PATZ1: variants seen among roughly 807,000 people sequenced by gnomAD.
PATZ1 encodes POZ/BTB and AT hook containing zinc finger 1, also known as POZ-, AT hook-, and zinc finger-containing protein 1.
In PATZ1, 9 loss-of-function variants were observed where a neutral mutation model predicts 46.2. That is an observed-to-expected ratio of 0.19 (90% confidence interval 0.12 to 0.34). The LOEUF (loss-of-function observed/expected upper bound fraction) is 0.34. Ranked by LOEUF, PATZ1 falls within the 10% of genes least tolerant of loss-of-function variation. The probability of loss-of-function intolerance (pLI) is 1.00; values close to 1 mark genes in which losing one functional copy is unlikely to be tolerated. For synonymous variants in PATZ1, 426 were observed against 378.6 expected (o/e 1.13, Z -1.45); for missense variants, 632 against 923.0 (o/e 0.68, Z 4.08).
Position 31,346,156 on chromosome 22 carries a change from G to C in PATZ1, c.-554C>G, listed in dbSNP as rs1245059270. The C allele has an allele frequency of 6.8e-6, 1 of 147,790 alleles. No homozygotes were observed. Among genetic ancestry groups the C allele is most frequent in the Non-Finnish European group, 1.5e-5 (1 of 66,102 alleles). The allele number at this position is 147,790 out of a possible 1,614,324, so 9.2% of individuals were successfully genotyped here. ...GGCGAAGGCGAAGGCGGCGGCGGCG[G>C]GGCGCGCACGGGGGCGGTGGCGCGG... On this transcript the variant is annotated 5_prime_UTR_variant, in exon 1 of 5. Transcript: ENST00000266269.
At chr22:31,341,034 T>C (rs992927923) in intron 2 of PATZ1, 7 of 1,081,016 alleles carry the variant, frequency 6.5e-6, no homozygotes. Context: ...GGCCCCAGTC[T>C]AGAAACCCCA....
At chr22:31,342,153 A>C (rs1262289305) in intron 2 of PATZ1, among the ~76,000 whole-genome samples, 2 of 152,254 alleles carry the variant, frequency 1.3e-5, no homozygotes, top group Middle Eastern at 3.4e-3. Context: ...CGCTATCCAC[A>C]CAGGAAGGCT....
chr22:31,332,280 A>G (rs1168239022), intron 3 of PATZ1, among the ~76,000 whole-genome samples: 1 of 152,174 alleles, frequency 6.6e-6, no homozygotes, highest in East Asian at 1.9e-4. Context: ...TCAGCAGCCA[A>G]GTGTTAGGAT....
chr22:31,329,314 A>C (rs1466103339), intron 3 of PATZ1, among the ~76,000 whole-genome samples: 1 of 152,222 alleles, frequency 6.6e-6, no homozygotes, highest in East Asian at 1.9e-4. Flanking sequence ...TGGTTAGACA[A>C]GAATTTGAGG....
chr22:31,340,586 G>C, intron 2 of PATZ1: 1 of 655,848 alleles, frequency 1.5e-6, no homozygotes, highest in South Asian at 7.0e-5. Flanking sequence ...TGTATGTTGG[G>C]AGGGGCAGGG....
intron 2 of PATZ1, 126 bp downstream of exon 2, chr22:31,342,771 G>A (rs2049598699): frequency 2.2e-6 from 2 of 908,272 alleles, no homozygotes; most frequent in Admixed American, 2.0e-5. Flanking sequence ...GAGGAACAGA[G>A]GGGAGGTGTG....
Position 31,327,337 on chromosome 22 carries a change from G to A in PATZ1, c.1646-28C>T, listed in dbSNP as rs779465111. 92 of 1,589,964 alleles carry A rather than the reference G, an allele frequency of 5.8e-5. No homozygotes were observed. The highest frequency in any genetic ancestry group is 1.7e-4 in the Admixed American group (10 of 59,536). On this transcript the variant is annotated intron_variant, in intron 4 of 4. Transcript: ENST00000266269. The surrounding 1 kb of genome is among the most constrained non-coding windows in gnomAD (Gnocchi z 4.2). ...ACGAAAAAACAAAATATAGGAGAGC[G>A]ATGAGGCCAGGCTCTGGAGATGCCC...
At chr22:31,338,641 G>C (rs2049541522) in intron 2 of PATZ1, among the ~76,000 whole-genome samples, 1 of 152,176 alleles carries the variant, frequency 6.6e-6, no homozygotes, top group East Asian at 1.9e-4. Flanking sequence ...GATTTATTTG[G>C]GGACAAGAGC....
At chr22:31,336,928 TGAAACTC>T (rs1355311014) in intron 2 of PATZ1, among the ~76,000 whole-genome samples, 3 of 150,130 alleles carry the variant, frequency 2.0e-5, no homozygotes, top group Non-Finnish European at 4.4e-5. Flanking sequence ...GCTAACACGG[TGAAACTC>T]GGTCTCTACT....
chr22:31,341,739 A>C, intron 2 of PATZ1: 1 of 1,512,718 alleles, frequency 6.6e-7, no homozygotes, highest in Non-Finnish European at 9.0e-7. Context: ...GCTTGCCCCC[A>C]CTGCCCTCTG....
At chr22:31,343,034 G>C (rs1163430426) in intron 1 of PATZ1, 74 bp from the exon 2 acceptor site, 35 of 1,605,830 alleles carry the variant, frequency 2.2e-5, no homozygotes, top group Non-Finnish European at 3.0e-5. Flanking sequence ...ATGCATACGT[G>C]TGTACACACA....
chr22:31,331,274 C>G (rs2049438576), intron 3 of PATZ1, among the ~76,000 whole-genome samples: 1 of 152,048 alleles, frequency 6.6e-6, no homozygotes. Context: ...ACATTGGCTC[C>G]CACCAATCAG....
intron 3 of PATZ1, among the ~76,000 whole-genome samples, chr22:31,334,616 G>A (rs2049485602): frequency 6.6e-6 from 1 of 152,196 alleles, no homozygotes; most frequent in African/African-American, 2.4e-5. Context: ...TCTCCCAAGT[G>A]TGCGGCTCCT....
intron 3 of PATZ1, among the ~76,000 whole-genome samples, chr22:31,331,159 G>A (rs1018029426): frequency 2.0e-5 from 3 of 152,202 alleles, no homozygotes; most frequent in Non-Finnish European, 4.4e-5. Context: ...CTAAGAGGGA[G>A]GCTGTAGTCA....
At chr22:31,337,457 T>C (rs2049525511) in intron 2 of PATZ1, among the ~76,000 whole-genome samples, 1 of 152,172 alleles carries the variant, frequency 6.6e-6, no homozygotes, top group South Asian at 2.1e-4. Flanking sequence ...GCACCTGACT[T>C]AGTACCAGTG....
chr22:31,343,076 C>A, intron 1 of PATZ1, 116 bp from the exon 2 acceptor site: 1 of 1,508,752 alleles, frequency 6.6e-7, no homozygotes, highest in Non-Finnish European at 8.9e-7. Context: ...AGGACTCCCT[C>A]TCCCCAACCC....
chr22:31,330,772 T>C (rs769846123), intron 3 of PATZ1, among the ~76,000 whole-genome samples: 18 of 152,258 alleles, frequency 1.2e-4, no homozygotes, highest in Non-Finnish European at 1.6e-4. Flanking sequence ...AATTGGTTCC[T>C]GTGTCTTAGC....
At chr22:31,337,168 G>A (rs147541409) in intron 2 of PATZ1, among the ~76,000 whole-genome samples, 3 of 152,316 alleles carry the variant, frequency 2.0e-5, no homozygotes, top group East Asian at 3.9e-4. Flanking sequence ...CAGCAAGGAT[G>A]ATGATACTAC....
chr22:31,343,490 C>G, intron 1 of PATZ1: 1 of 966,980 alleles, frequency 1.0e-6, no homozygotes, highest in Middle Eastern at 5.3e-4. Flanking sequence ...AGCAGGTGGG[C>G]AGGGGCTGCC....
Sources: allele counts gnomAD v4.1 joint callset (sites outside exome capture counted in the v4.1 genomes callset), GRCh38; gene constraint gnomAD v4.1.1; non-coding constraint Gnocchi (gnomAD v3.1); transcripts MANE v1.5; gene names NCBI Gene and HGNC (gene_info 2026-07-23, HGNC 2026-07-21).